Variants in SHPRH observed in about 807,000 individuals in gnomAD.
SHPRH encodes the protein SNF2 histone linker PHD RING helicase.
In SHPRH, 106 loss-of-function variants were observed where a neutral mutation model predicts 202.5. The ratio of observed to expected loss-of-function variants is 0.52; its 90% CI spans 0.45 to 0.62. The LOEUF (loss-of-function observed/expected upper bound fraction) is 0.62, where lower values mean the gene tolerates loss of function less well. SHPRH is among the 20% of genes least tolerant of loss of function. The probability of loss-of-function intolerance (pLI) is 0.00; values close to 1 mark genes in which losing one functional copy is unlikely to be tolerated. For synonymous variants in SHPRH, 729 were observed against 686.0 expected (o/e 1.06, Z -0.98); for missense variants, 1,710 against 2,020.0 (o/e 0.85, Z 2.94).
At chr6:145,956,748 A>G (rs996883214) in intron 1 of SHPRH, among the ~76,000 whole-genome samples, 1 of 152,188 alleles carries the variant, frequency 6.6e-6, no homozygotes, top group African/African-American at 2.4e-5. Context: ...AGAAAATAGT[A>G]TAACAGTATA....
chr6:145,864,709 A>G (rs984809238), intron 2 of SHPRH, among the ~76,000 whole-genome samples: 31 of 151,944 alleles, frequency 2.0e-4, no homozygotes, highest in African/African-American at 7.5e-4. Flanking sequence ...GGTTAAAAAA[A>G]AAGAGAAACT....
downstream of SHPRH, among the ~76,000 whole-genome samples, chr6:145,860,706 AAG>A (rs1210861014): frequency 6.6e-6 from 1 of 152,118 alleles, no homozygotes; most frequent in Admixed American, 6.5e-5. Flanking sequence ...TTTGAGCACT[AAG>A]AACAAAACCA....
At chr6:145,950,033 G>A (rs960594280) in intron 4 of SHPRH, among the ~76,000 whole-genome samples, 1 of 152,058 alleles carries the variant, frequency 6.6e-6, no homozygotes, top group African/African-American at 2.4e-5. Flanking sequence ...AGGCAGGATT[G>A]ATTTCCTTTT....
chr6:145,922,178 C>T (rs753570367), intron 20 of SHPRH, 108 bp downstream of exon 20: 5 of 923,990 alleles, frequency 5.4e-6, no homozygotes, highest in Non-Finnish European at 8.0e-6. Flanking sequence ...ATTAAAGAAA[C>T]AATATAATAA....
downstream of SHPRH, among the ~76,000 whole-genome samples, chr6:145,881,946 A>G (rs1366533054): frequency 6.6e-6 from 1 of 152,118 alleles, no homozygotes; most frequent in East Asian, 1.9e-4. Flanking sequence ...TCTACAAAAA[A>G]TTAACCAGGT....
At chr6:145,902,788 C>G (rs1441929675) in intron 25 of SHPRH, among the ~76,000 whole-genome samples, 1 of 151,990 alleles carries the variant, frequency 6.6e-6, no homozygotes. Flanking sequence ...TACTGAGTGC[C>G]TATTATATGC....
chr6:145,874,401 G>A (rs1465686626), intron 2 of SHPRH, among the ~76,000 whole-genome samples: 1 of 151,910 alleles, frequency 6.6e-6, no homozygotes, highest in African/African-American at 2.4e-5. Flanking sequence ...CATGCTGCCT[G>A]GTGTCCGTGT....
At chr6:145,910,328 C>G (rs189358748) in intron 25 of SHPRH, 120 bp downstream of exon 25, 2 of 1,113,276 alleles carry the variant, frequency 1.8e-6, no homozygotes, top group African/African-American at 3.1e-5. Flanking sequence ...CTACAGACAA[C>G]AGTGGCGTCT....
chr6:145,878,367 A>G (rs1780398085), intron 2 of SHPRH, among the ~76,000 whole-genome samples: 1 of 152,226 alleles, frequency 6.6e-6, no homozygotes, highest in Admixed American at 6.5e-5. Context: ...CTATGGGTCC[A>G]GCAAATGTGT....
At chr6:145,890,697 T>C (rs6928607) in intron 28 of SHPRH, among the ~76,000 whole-genome samples, 12,183 of 152,150 alleles carry the variant, frequency 0.08, 1,621 homozygotes, top group African/African-American at 0.27. Flanking sequence ...TTAATGGACT[T>C]GTACATCTAG....
chr6:145,943,018 A>T, intron 9 of SHPRH, 125 bp downstream of exon 9: 1 of 1,134,160 alleles, frequency 8.8e-7, no homozygotes, highest in Non-Finnish European at 1.2e-6. Flanking sequence ...GCTTTGATTT[A>T]ACATTACTAT....
chr6:145,875,111 A>T (rs1488141579), intron 2 of SHPRH, among the ~76,000 whole-genome samples: 1 of 152,170 alleles, frequency 6.6e-6, no homozygotes, highest in Non-Finnish European at 1.5e-5. Flanking sequence ...AATATTAAAA[A>T]ATCTGAAATC....
intron 25 of SHPRH, chr6:145,910,226 A>C (rs867218145): frequency 2.0e-6 from 1 of 506,936 alleles, no homozygotes; most frequent in African/African-American, 1.9e-5. Flanking sequence ...CACAGTGTAC[A>C]TGACTATCGC....
chr6:145,910,411 C>T lies in SHPRH; in HGVS notation c.4515+37G>A, dbSNP rs751748078. On this transcript the variant is annotated intron_variant, in intron 25 of 29. Transcript: ENST00000275233. Reference sequence around the variant, plus strand: ...GATACTGCTTCCTATATTATATTGCCTTACCTATGCTTCTATGTGTTCCTG... The same window carrying T: ...GATACTGCTTCCTATATTATATTGCTTTACCTATGCTTCTATGTGTTCCTG... 3.1e-5 allele frequency: 49 copies of T among 1,601,866 alleles called. No individual in the cohort carries two copies. The Admixed American group carries it at 3.5e-4, about 12-fold the overall frequency.
At chr6:145,940,187 A>G (rs1476977296) in intron 11 of SHPRH, among the ~76,000 whole-genome samples, 1 of 152,144 alleles carries the variant, frequency 6.6e-6, no homozygotes, top group Non-Finnish European at 1.5e-5. Flanking sequence ...AAGTAAAGGA[A>G]TGGTAGAAAC....
At chr6:145,938,385 C>G (rs1291268598) in intron 11 of SHPRH, among the ~76,000 whole-genome samples, 1 of 152,138 alleles carries the variant, frequency 6.6e-6, no homozygotes, top group Non-Finnish European at 1.5e-5. Flanking sequence ...AAACAGACTT[C>G]CCTTCTTTGT....
chr6:145,867,442 G>A (rs1264933281), intron 2 of SHPRH, among the ~76,000 whole-genome samples: 2 of 151,262 alleles, frequency 1.3e-5, no homozygotes, highest in Non-Finnish European at 2.9e-5. Flanking sequence ...GGATTAACCT[G>A]GTGGACCCTC....
At chr6:145,908,186 C>G (rs1783149891) in intron 25 of SHPRH, 1 of 151,988 alleles carries the variant, frequency 6.6e-6, no homozygotes, top group African/African-American at 2.4e-5. Context: ...TGGATTGGTT[C>G]CATATATTTG....
chr6:145,920,066 TTA>T (rs1350155523), intron 21 of SHPRH, among the ~76,000 whole-genome samples: 1 of 152,122 alleles, frequency 6.6e-6, no homozygotes, highest in East Asian at 1.9e-4. Context: ...AATAATTCAG[TTA>T]TATATGTTTC....
Sources: gnomAD v4.1 joint callset for allele counts (sites outside exome capture counted in the v4.1 genomes callset) on GRCh38, gnomAD v4.1.1 for gene constraint, MANE v1.5 for transcripts, NCBI Gene and HGNC (gene_info 2026-07-23, HGNC 2026-07-21) for gene names.